PRKCA: variants seen among roughly 807,000 people sequenced by gnomAD.
The protein encoded by PRKCA is protein kinase C alpha, also known as protein kinase C alpha type.
PRKCA carries 27 observed loss-of-function variants against 87.0 expected under a neutral mutation model. The observed-to-expected ratio is 0.31, with a 90% confidence interval of 0.23 to 0.43. PRKCA has a LOEUF of 0.43. PRKCA is among the 20% of genes least tolerant of loss of function. The probability of loss-of-function intolerance (pLI) is 1.00; values close to 1 mark genes in which losing one functional copy is unlikely to be tolerated. For synonymous variants in PRKCA, 329 were observed against 311.1 expected (o/e 1.06, Z -0.61); for missense variants, 518 against 852.3 (o/e 0.61, Z 4.88).
intron 13 of PRKCA, among the ~76,000 whole-genome samples, chr17:66,747,770 G>A (rs1195299334): frequency 1.3e-5 from 2 of 152,222 alleles, no homozygotes; most frequent in Admixed American, 6.5e-5. Context: ...AGTGAATGAC[G>A]CAGAATTGCA....
chr17:66,744,124 C>A (rs1236075558), intron 13 of PRKCA, among the ~76,000 whole-genome samples: 1 of 152,080 alleles, frequency 6.6e-6, no homozygotes, highest in Non-Finnish European at 1.5e-5. Flanking sequence ...TTCAAGACAG[C>A]GTGGACACAT....
chr17:66,338,575 T>TC (rs773621973), intron 2 of PRKCA, among the ~76,000 whole-genome samples: 3 of 151,934 alleles, frequency 2.0e-5, no homozygotes, highest in Non-Finnish European at 4.4e-5. Flanking sequence ...GACTTAACAT[T>TC]CCCCCCCACT....
rs150964007 is a variant in PRKCA, at chr17:66,571,238, A to T, written c.289-70117A>T. On this transcript the variant is annotated intron_variant, in intron 3 of 16. Transcript: ENST00000413366. ...TTCCTAATCCCTATCATCTTGTGGC[A>T]TTGCGTGTACTTATTTCTGTGTTTT... Among the ~76,000 whole-genome samples, 78 of 152,308 alleles carry T rather than the reference A, an allele frequency of 5.1e-4. 2 individuals are homozygous for T. Among genetic ancestry groups the T allele is most frequent in the African/African-American group, 1.9e-3 (77 of 41,564 alleles).
intron 2 of PRKCA, among the ~76,000 whole-genome samples, chr17:66,336,073 A>G (rs918746772): frequency 5.3e-5 from 8 of 152,168 alleles, no homozygotes; most frequent in Non-Finnish European, 8.8e-5. Context: ...CATTGTTTCA[A>G]TTTAATCCAT....
chr17:66,645,510 A>G lies in PRKCA; in HGVS notation c.528A>G (p.Thr176=), dbSNP rs1219874524. The G allele has an allele frequency of 3.7e-6, 6 of 1,614,178 alleles. No homozygotes were observed. The Admixed American group carries it at 6.7e-5, about 18-fold the overall frequency. Residue 176 remains threonine (T), a splice_region_variant and synonymous_variant, in exon 5 of 17, where the codon ACA becomes ACG. Coordinates refer to ENST00000413366, the MANE Select transcript of PRKCA (RefSeq NM_002737.3). ...TTGCTGATGAAAAGCTCCATGTCAC[A>G]GGTAAGGCTTGCTCATCCCGGAGCA... The part of the protein sequence containing the change: ...AEVADEKLHV[T]VRDAKNLIPM...
At chr17:66,724,126 G>C (rs1039522785) in intron 8 of PRKCA, among the ~76,000 whole-genome samples, 20 of 152,098 alleles carry the variant, frequency 1.3e-4, no homozygotes, top group Admixed American at 1.2e-3. Context: ...GGGCCCAAGA[G>C]TCTGCATTTC....
intron 3 of PRKCA, among the ~76,000 whole-genome samples, chr17:66,518,007 T>C (rs1288459882): frequency 6.6e-6 from 1 of 151,954 alleles, no homozygotes; most frequent in Non-Finnish European, 1.5e-5. Context: ...GTTTTAAAAA[T>C]AACTTGGTAC....
At chr17:66,552,026 A>G (rs1207638738) in intron 3 of PRKCA, among the ~76,000 whole-genome samples, 1 of 152,184 alleles carries the variant, frequency 6.6e-6, no homozygotes, top group Non-Finnish European at 1.5e-5. Context: ...GGCCAGGCAC[A>G]ATGACTCATG....
At chr17:66,377,791 T>G (rs1909551117) in intron 2 of PRKCA, among the ~76,000 whole-genome samples, 1 of 146,446 alleles carries the variant, frequency 6.8e-6, no homozygotes, top group Admixed American at 7.0e-5. Flanking sequence ...CTAATTAATT[T>G]TTTTCTTTTA....
At chr17:66,385,588 A>G (rs1289436115) in intron 2 of PRKCA, among the ~76,000 whole-genome samples, 1 of 152,174 alleles carries the variant, frequency 6.6e-6, no homozygotes, top group African/African-American at 2.4e-5. Context: ...AGATCCTGGT[A>G]TGGTGGCTCA....
chr17:66,750,961 C>T (rs1345814051), intron 13 of PRKCA, among the ~76,000 whole-genome samples: 1 of 152,214 alleles, frequency 6.6e-6, no homozygotes, highest in Non-Finnish European at 1.5e-5. Context: ...CCACATGTGC[C>T]AGTAAGCTGC....
intron 13 of PRKCA, among the ~76,000 whole-genome samples, chr17:66,765,272 G>A (rs147833496): frequency 6.6e-6 from 1 of 151,348 alleles, no homozygotes; most frequent in Non-Finnish European, 1.5e-5. Flanking sequence ...AATTAGCCAG[G>A]CATAATGATG....
At chr17:66,509,163 CGTGTGTGTGTGTGTATGT>C in intron 3 of PRKCA, among the ~76,000 whole-genome samples, 1 of 138,206 alleles carries the variant, frequency 7.2e-6, no homozygotes, top group African/African-American at 2.6e-5. Flanking sequence ...AGAAAAGGAA[CGTGTGTGTGTGTGTATGT>C]GTGTGTGTGT....
At chr17:66,570,104 C>T (rs563125372) in intron 3 of PRKCA, among the ~76,000 whole-genome samples, 3 of 152,248 alleles carry the variant, frequency 2.0e-5, no homozygotes, top group East Asian at 1.9e-4. Context: ...TGATGTCTTG[C>T]AGACATAACA....
At chr17:66,444,840 A>C (rs1598677253) in intron 2 of PRKCA, among the ~76,000 whole-genome samples, 1 of 152,168 alleles carries the variant, frequency 6.6e-6, no homozygotes, top group Non-Finnish European at 1.5e-5. Flanking sequence ...TAAGAGCAAA[A>C]TATAATTTTC....
In PRKCA at chr17:66,731,351, G is replaced by GAAA. The variant is rs5821509; in HGVS notation, c.919-1320_919-1318dup. The stretch of plus-strand genomic sequence containing the variant: ...GCAACAAGAGCAAAACTCCGTCTCA[G>GAAA]AAAAAAAAAAAAAAAAAAAGAATGT... On this transcript the variant is annotated intron_variant, in intron 8 of 16. Transcript: ENST00000413366. Among the ~76,000 whole-genome samples, 39 of 112,434 alleles carry GAAA rather than the reference G, an allele frequency of 3.5e-4. 1 individual carries two copies. Among genetic ancestry groups the GAAA allele is most frequent in the Middle Eastern group, 4.6e-3 (1 of 218 alleles). 73.8% of individuals were successfully genotyped at this position (112,434 alleles called of 152,430 possible). A position where few individuals can be genotyped will look rare whatever the true frequency, so the allele number is the denominator to read the frequency against.
rs180707138 is a variant in PRKCA at position 66,541,716 on chromosome 17, A to G, written c.288+45433A>G. On this transcript the variant is annotated intron_variant, in intron 3 of 16. Coordinates refer to ENST00000413366, the MANE Select transcript of PRKCA (RefSeq NM_002737.3). ...CTTTTTGAGGCGACAGGTTATGCCA[A>G]AAATTAAGTAAAAATGACACAGCTT... 2.7e-3 allele frequency among the ~76,000 whole-genome samples: 408 copies of G among 152,368 alleles called. 10 individuals carry two copies. Among genetic ancestry groups the G allele is most frequent in the Admixed American group, 0.025 (382 of 15,308 alleles).
intron 3 of PRKCA, among the ~76,000 whole-genome samples, chr17:66,570,266 C>T (rs58135607): frequency 0.027 from 4,146 of 152,258 alleles, 150 homozygotes; most frequent in East Asian, 0.15. Context: ...CTGGGGCTCT[C>T]GTTCCATTCT....
intron 2 of PRKCA, among the ~76,000 whole-genome samples, chr17:66,334,862 CAGTGGATGAATGGATAAACAAAGTATGG>C (rs943721470): frequency 3.9e-5 from 6 of 152,128 alleles, no homozygotes; most frequent in African/African-American, 1.4e-4. Flanking sequence ...CTGTGTTTGT[CAGTGGATGAATGGATAAACAAAGTATGG>C]GAACACATAG....
Sources: gnomAD v4.1 joint callset for allele counts (sites outside exome capture counted in the v4.1 genomes callset) on GRCh38, gnomAD v4.1.1 for gene constraint, MANE v1.5 for transcripts, NCBI Gene and HGNC (gene_info 2026-07-23, HGNC 2026-07-21) for gene names.